Variants in RNF13 observed in about 807,000 individuals in gnomAD.
RNF13 encodes ring finger protein 13.
A neutral mutation model predicts 37.7 loss-of-function variants in RNF13; 19 were observed. The ratio of observed to expected loss-of-function variants is 0.50; its 90% CI spans 0.35 to 0.74. The LOEUF is 0.74. Among genes scored for constraint, RNF13 ranks in the 30% least tolerant of loss-of-function variants. RNF13 has a pLI of 0.01. For synonymous variants in RNF13, 144 were observed against 157.8 expected (o/e 0.91, Z 0.65); for missense variants, 375 against 453.0 (o/e 0.83, Z 1.56).
chr3:149,949,455 G>C (rs929878538), intron 8 of RNF13, among the ~76,000 whole-genome samples: 2 of 148,774 alleles, frequency 1.3e-5, no homozygotes, highest in Non-Finnish European at 3.0e-5. Flanking sequence ...CTGCTTTCAA[G>C]ATCTCTGTCA....
At chr3:149,818,779 C>T (rs1377386065) in intron 1 of RNF13, among the ~76,000 whole-genome samples, 2 of 152,016 alleles carry the variant, frequency 1.3e-5, no homozygotes, top group Admixed American at 6.6e-5. Flanking sequence ...GATGTGGTGG[C>T]GTGCTCATGT....
chr3:149,872,225 C>T, intron 4 of RNF13, 71 bp downstream of exon 4: 4 of 966,812 alleles, frequency 4.1e-6, no homozygotes, highest in African/African-American at 1.7e-5. Context: ...TTACATCCTC[C>T]CTTGTTTCAG....
rs35615226 is a variant in RNF13 at position 149,900,426 on chromosome 3, TA to T, written c.410-1635del. Among the ~76,000 whole-genome samples the T allele has an allele frequency of 7.0e-3, 1,033 of 146,654 alleles. 12 individuals carry two copies. Among genetic ancestry groups the T allele is most frequent in the African/African-American group, 0.022 (886 of 40,178 alleles). On this transcript the variant is annotated intron_variant, in intron 5 of 9. Transcript: ENST00000392894. ...CCTATAACAATACCTCTGCATCTAT[TA>T]AAAAAAAAAATGCAATAATGCCTGT...
chr3:149,853,994 C>A (rs910307135), intron 3 of RNF13, among the ~76,000 whole-genome samples: 20 of 151,878 alleles, frequency 1.3e-4, no homozygotes, highest in African/African-American at 4.8e-4. Flanking sequence ...ACCACCATGC[C>A]CGGCTAGTTT....
intron 1 of RNF13, among the ~76,000 whole-genome samples, chr3:149,827,628 A>G (rs1720636235): frequency 6.6e-6 from 1 of 152,196 alleles, no homozygotes; most frequent in Non-Finnish European, 1.5e-5. Flanking sequence ...GGCAAAGCTG[A>G]ACACTAAACA....
At chr3:149,821,501 T>TA (rs750562827) in intron 1 of RNF13, among the ~76,000 whole-genome samples, 5 of 152,216 alleles carry the variant, frequency 3.3e-5, no homozygotes, top group Non-Finnish European at 5.9e-5. Context: ...TTTGCCCTTT[T>TA]AAAAAACTAC....
chr3:149,863,157 A>G (rs1724448563), intron 3 of RNF13, among the ~76,000 whole-genome samples: 1 of 152,186 alleles, frequency 6.6e-6, no homozygotes, highest in African/African-American at 2.4e-5. Context: ...GACCATTTCC[A>G]TCATTATGAT....
chr3:149,897,644 T>A (rs892585165), intron 5 of RNF13, among the ~76,000 whole-genome samples: 3 of 152,230 alleles, frequency 2.0e-5, no homozygotes, highest in African/African-American at 7.2e-5. Context: ...TCTTTGCGCA[T>A]GTGTTTAAAC....
intron 1 of RNF13, among the ~76,000 whole-genome samples, chr3:149,836,107 A>G (rs1721599091): frequency 6.6e-6 from 1 of 152,162 alleles, no homozygotes; most frequent in Non-Finnish European, 1.5e-5. Flanking sequence ...GTGGTATTGC[A>G]TAGTGGTTTT....
At chr3:149,920,373 C>A (rs7641977) in intron 7 of RNF13, among the ~76,000 whole-genome samples, 106,106 of 151,994 alleles carry the variant, frequency 0.7, 37,603 homozygotes, top group East Asian at 0.9. Flanking sequence ...GTAGCTGGAA[C>A]TACAGGCACA....
intron 3 of RNF13, among the ~76,000 whole-genome samples, chr3:149,855,989 G>T (rs559378568): frequency 7.2e-5 from 11 of 152,142 alleles, no homozygotes; most frequent in African/African-American, 2.4e-4. Flanking sequence ...TACTGAATAA[G>T]CTTATTTTAA....
chr3:149,852,502 A>C lies in RNF13; in HGVS notation c.115-14A>C. ...AATTGGTCTTAACTTGAATATTTAA[A>C]ATTTTATTTTTAGTATAACTTTGAA... On this transcript the variant is annotated splice_polypyrimidine_tract_variant and intron_variant, in intron 2 of 9. Coordinates refer to ENST00000392894, the MANE Select transcript of RNF13 (RefSeq NM_183381.3). 7.2e-7 allele frequency: 1 copy of C among 1,390,340 alleles called. No homozygotes were observed. The highest frequency in any genetic ancestry group is 9.9e-7 in the Non-Finnish European group (1 of 1,014,520). The allele number at this position is 1,390,340 out of a possible 1,614,324, so 86.1% of individuals were successfully genotyped here.
At chr3:149,854,409 T>C (rs1202013821) in intron 3 of RNF13, among the ~76,000 whole-genome samples, 2 of 152,348 alleles carry the variant, frequency 1.3e-5, no homozygotes, top group African/African-American at 4.8e-5. Context: ...TTTCTGAACA[T>C]GTAATGCTTT....
chr3:149,934,487 ACTTCC>A (rs1719484336), intron 8 of RNF13, among the ~76,000 whole-genome samples: 1 of 151,884 alleles, frequency 6.6e-6, no homozygotes, highest in South Asian at 2.1e-4. Flanking sequence ...ATTGCTATGA[ACTTCC>A]TACTTAGTAT....
chr3:149,825,247 G>A (rs1211604226), intron 1 of RNF13, among the ~76,000 whole-genome samples: 3 of 150,522 alleles, frequency 2.0e-5, no homozygotes, highest in Non-Finnish European at 4.4e-5. Context: ...CACATTCTCT[G>A]CTCACTGTAA....
intron 8 of RNF13, among the ~76,000 whole-genome samples, chr3:149,953,494 A>G (rs1721545082): frequency 6.6e-6 from 1 of 152,246 alleles, no homozygotes; most frequent in African/African-American, 2.4e-5. Context: ...TTTGTGTTAA[A>G]TATCTGAAGA....
At chr3:149,923,768 A>G (rs1718383233) in intron 8 of RNF13, among the ~76,000 whole-genome samples, 1 of 151,060 alleles carries the variant, frequency 6.6e-6, no homozygotes, top group Non-Finnish European at 1.5e-5. Context: ...CCATCTCAAA[A>G]AAAAAAAAAA....
intron 1 of RNF13, 66 bp downstream of exon 1, chr3:149,813,419 C>G (rs988936998): frequency 1.3e-5 from 2 of 152,432 alleles, no homozygotes; most frequent in African/African-American, 4.8e-5. Flanking sequence ...AGAACATACC[C>G]CGCTTGTTGG....
chr3:149,862,569 C>G (rs894409428), intron 3 of RNF13, among the ~76,000 whole-genome samples: 1 of 152,078 alleles, frequency 6.6e-6, no homozygotes, highest in Admixed American at 6.5e-5. Context: ...ACTTGCTTTT[C>G]CATCTAACAC....
Sources: allele counts gnomAD v4.1 joint callset (sites outside exome capture counted in the v4.1 genomes callset), GRCh38; gene constraint gnomAD v4.1.1; transcripts MANE v1.5; gene names NCBI Gene and HGNC (gene_info 2026-07-23, HGNC 2026-07-21).